Variants in DOCK4 observed in about 807,000 individuals in gnomAD.
The protein encoded by DOCK4 is dedicator of cytokinesis protein 4.
DOCK4 carries 97 observed loss-of-function variants against 268.1 expected under a neutral mutation model. The observed-to-expected ratio is 0.36, with a 90% CI of 0.31 to 0.43. DOCK4 has a LOEUF of 0.43. Among genes scored for constraint, DOCK4 ranks in the 20% least tolerant of loss-of-function variants. The probability of loss-of-function intolerance (pLI) is 1.00; values close to 1 mark genes in which losing one functional copy is unlikely to be tolerated. For synonymous variants in DOCK4, 954 were observed against 887.2 expected (o/e 1.08, Z -1.34); for missense variants, 2,145 against 2,455.7 (o/e 0.87, Z 2.67).
chr7:111,844,421 A>C (rs1218993903), intron 25 of DOCK4, among the ~76,000 whole-genome samples: 2 of 152,070 alleles, frequency 1.3e-5, no homozygotes, highest in Admixed American at 6.6e-5. Context: ...ACTCTGTTTC[A>C]CTCTTCTCGT....
chr7:111,895,291 C>T (rs558926379), intron 16 of DOCK4, among the ~76,000 whole-genome samples: 9 of 152,218 alleles, frequency 5.9e-5, no homozygotes, highest in Admixed American at 3.9e-4. Flanking sequence ...GATAAGAAAG[C>T]GCGTAATGTA....
intron 17 of DOCK4, among the ~76,000 whole-genome samples, chr7:111,874,877 T>G (rs909146467): frequency 3.9e-5 from 6 of 152,232 alleles, no homozygotes. Flanking sequence ...AATTCTGAAA[T>G]GCAAATTTGC....
At chr7:111,804,519 T>C (rs1800530950) in intron 30 of DOCK4, among the ~76,000 whole-genome samples, 1 of 152,342 alleles carries the variant, frequency 6.6e-6, no homozygotes, top group South Asian at 2.1e-4. Flanking sequence ...ATGGTGGTGA[T>C]GGTTGCATTG....
chr7:111,956,492 GGAA>G (rs925484427), intron 8 of DOCK4, among the ~76,000 whole-genome samples: 5 of 152,082 alleles, frequency 3.3e-5, no homozygotes, highest in African/African-American at 9.7e-5. Context: ...TCTGCCAAAG[GGAA>G]GAAGATTAAG....
At chr7:111,877,459 C>T (rs539571112) in intron 16 of DOCK4, among the ~76,000 whole-genome samples, 4 of 152,222 alleles carry the variant, frequency 2.6e-5, no homozygotes, top group South Asian at 2.1e-4. Context: ...ACACTGTTTC[C>T]GTTATCTTCT....
chr7:112,166,724 T>C (rs189547079), intron 1 of DOCK4, among the ~76,000 whole-genome samples: 99 of 152,352 alleles, frequency 6.5e-4, no homozygotes, highest in Admixed American at 2.2e-3. Flanking sequence ...TGTTTTTACT[T>C]GATAATGGTG....
intron 42 of DOCK4, among the ~76,000 whole-genome samples, chr7:111,754,427 C>T (rs1369100553): frequency 1.3e-5 from 2 of 152,170 alleles, no homozygotes; most frequent in Non-Finnish European, 2.9e-5. Flanking sequence ...TCTGGATTGA[C>T]AGAATAGGCT....
At chr7:111,851,335 C>T (rs955557043) in intron 23 of DOCK4, among the ~76,000 whole-genome samples, 3 of 150,788 alleles carry the variant, frequency 2.0e-5, no homozygotes, top group Non-Finnish European at 4.4e-5. Context: ...GTCCCAGCTA[C>T]TAGGGAGGCT....
chr7:111,888,862 A>C (rs1808060458), intron 16 of DOCK4, among the ~76,000 whole-genome samples: 1 of 152,116 alleles, frequency 6.6e-6, no homozygotes, highest in Non-Finnish European at 1.5e-5. Context: ...GGGTGGCGAA[A>C]GAGTATCTCT....
intron 22 of DOCK4, 115 bp from the exon 23 acceptor site, chr7:111,863,679 G>C: frequency 9.1e-7 from 1 of 1,092,932 alleles, no homozygotes; most frequent in Non-Finnish European, 1.3e-6. Flanking sequence ...AGGAATAGAA[G>C]TATGAAATGT....
At chr7:112,118,117 C>T (rs1420680803) in intron 1 of DOCK4, among the ~76,000 whole-genome samples, 2 of 149,534 alleles carry the variant, frequency 1.3e-5, no homozygotes, top group African/African-American at 4.9e-5. Context: ...GATCTTCTTG[C>T]AGACTTCTTA....
chr7:111,830,966 T>C (rs1265991773), intron 26 of DOCK4, among the ~76,000 whole-genome samples: 2 of 152,106 alleles, frequency 1.3e-5, no homozygotes, highest in Non-Finnish European at 2.9e-5. Context: ...TAGGATTCTA[T>C]GTAGGTCCTT....
intron 1 of DOCK4, among the ~76,000 whole-genome samples, chr7:112,137,352 T>G (rs376610747): frequency 4.8e-4 from 73 of 152,276 alleles, no homozygotes; most frequent in African/African-American, 1.6e-3. Flanking sequence ...CTGCTATGCG[T>G]CAAGGCCTCT....
At chr7:112,186,290 C>A (rs899367672) in intron 1 of DOCK4, among the ~76,000 whole-genome samples, 3 of 152,164 alleles carry the variant, frequency 2.0e-5, no homozygotes, top group East Asian at 1.9e-4. Flanking sequence ...CATACCACCA[C>A]CCCAAACAAA....
chr7:112,138,148 TCCTATTCTGTTATTTC>T (rs1393130704), intron 1 of DOCK4, among the ~76,000 whole-genome samples: 2 of 152,218 alleles, frequency 1.3e-5, no homozygotes, highest in African/African-American at 2.4e-5. Flanking sequence ...CCTTCAAACC[TCCTATTCTGTTATTTC>T]CCTTTTACTC....
intron 12 of DOCK4, among the ~76,000 whole-genome samples, chr7:111,929,244 T>C (rs552939791): frequency 2.6e-4 from 40 of 152,256 alleles, no homozygotes; most frequent in African/African-American, 9.4e-4. Flanking sequence ...TCAAATTCAT[T>C]AATGTTGCGT....
rs749874948 is a variant in DOCK4 at position 112,000,477 on chromosome 7, G to C, written c.162+17C>G. 35 of 1,396,410 alleles carry C rather than the reference G, an allele frequency of 2.5e-5. No homozygotes were observed. The highest frequency in any genetic ancestry group is 3.2e-5 in the Non-Finnish European group (32 of 1,015,318). The allele number at this position is 1,396,410 out of a possible 1,614,324, so 86.5% of individuals were successfully genotyped here. On this transcript the variant is annotated intron_variant, in intron 3 of 52. Coordinates refer to ENST00000428084, the MANE Select transcript of DOCK4 (RefSeq NM_001363540.2). ...TTAATAAATTTCATAATTATAGTTAGAAATAACAATTTTTACCTTGATATT... is the reference window on the plus strand; with the variant it reads ...TTAATAAATTTCATAATTATAGTTACAAATAACAATTTTTACCTTGATATT...
chr7:111,896,402 A>G (rs1046826028), intron 15 of DOCK4, among the ~76,000 whole-genome samples: 1 of 151,644 alleles, frequency 6.6e-6, no homozygotes, highest in African/African-American at 2.4e-5. Context: ...ATTAGTAATT[A>G]TTTATAGATA....
chr7:111,919,099 C>A lies in DOCK4; in HGVS notation c.1067-3195G>T, dbSNP rs75134309. Among the ~76,000 whole-genome samples the A allele has an allele frequency of 5.5e-4, 84 of 151,592 alleles. No homozygotes were observed. In the East Asian group the frequency reaches 0.013, roughly 23 times the overall value. On this transcript the variant is annotated intron_variant, in intron 12 of 52. Transcript: ENST00000428084. ...GAGCCAGCATTCATTTAACCAGCAG[C>A]GACTTTAAAAAAAACAAAAACAAAA...
Sources: allele counts gnomAD v4.1 joint callset (sites outside exome capture counted in the v4.1 genomes callset), GRCh38; gene constraint gnomAD v4.1.1; transcripts MANE v1.5; gene names NCBI Gene and HGNC (gene_info 2026-07-23, HGNC 2026-07-21).